The following NT5DC4 variants were observed in gnomAD, a reference collection of about 807,000 sequenced individuals.
NT5DC4 encodes the protein 5'-nucleotidase domain-containing protein 4.
A neutral mutation model predicts 26.6 loss-of-function variants in NT5DC4; 44 were observed. That is an observed-to-expected ratio of 1.65 (90% confidence interval 1.30 to 2.13). The LOEUF (loss-of-function observed/expected upper bound fraction) is 2.13, where lower values mean the gene tolerates loss of function less well. NT5DC4 is among the 30% of genes most tolerant of loss of function. NT5DC4 has a pLI of 0.00. For synonymous variants in NT5DC4, 157 were observed against 86.7 expected, an observed-to-expected ratio of 1.81 and a Z score of -4.51; for missense variants, 399 against 228.1, an observed-to-expected ratio of 1.75 and a Z score of -4.83.
At chr2:112,726,128 C>T (rs1677678555) in intron 13 of NT5DC4, 110 bp from the exon 14 acceptor site, 2 of 691,860 alleles carry the variant, frequency 2.9e-6, no homozygotes, top group Non-Finnish European at 5.4e-6. Context: ...GTTATGCACA[C>T]AGCTCAGGGT....
In NT5DC4 at chr2:112,725,160, C is replaced by G; in HGVS notation, c.916-14C>G. 2 of 713,858 alleles carry G rather than the reference C, an allele frequency of 2.8e-6. No homozygotes were observed. The highest frequency in any genetic ancestry group is 5.2e-6 in the Non-Finnish European group (2 of 382,442). 44.2% of individuals were successfully genotyped at this position (713,858 alleles called of 1,614,324 possible). A position where few individuals can be genotyped will look rare whatever the true frequency, so the allele number is the denominator to read the frequency against. ...TGGTTCTCCTGGCTCCAGGGCACCC[C>G]TCTGCCCCTCCAGGACTCAGGAAAG... is the stretch of plus-strand genomic sequence containing the variant. On this transcript the variant is annotated splice_polypyrimidine_tract_variant and intron_variant, in intron 11 of 16. Coordinates refer to ENST00000688554, the MANE Select transcript of NT5DC4 (RefSeq NM_001393655.1).
chr2:112,739,107 AT>A (rs1431905975), downstream of NT5DC4: 16 of 1,318,222 alleles, frequency 1.2e-5, no homozygotes, highest in South Asian at 1.2e-4. Flanking sequence ...TATCTTTATT[AT>A]TTTTTGTTTC....
At position 112,724,068 on chromosome 2, in the gene NT5DC4, C is replaced by A. The variant is rs186234706; in HGVS notation, c.757-26C>A. The A allele has an allele frequency of 1.1e-3, 768 of 716,958 alleles. 2 individuals carry two copies. In the African/African-American group the frequency reaches 0.011, roughly 10 times the overall value. 44.4% of individuals were successfully genotyped at this position (716,958 alleles called of 1,614,324 possible). ...GGCAGGTGGTGGCCCAAGCTTGGTG[C>A]CCTGACGCTGCCTTGTCCTTGCCAG... On this transcript the variant is annotated intron_variant, in intron 9 of 16. Transcript: ENST00000688554.
chr2:112,741,180 A>G (rs1228229180), downstream of NT5DC4, among the ~76,000 whole-genome samples: 2 of 152,120 alleles, frequency 1.3e-5, no homozygotes, highest in African/African-American at 4.8e-5. Context: ...TTTTCACGTT[A>G]AGCTCTGTAG....
chr2:112,720,775 C>T (rs72950342), upstream of NT5DC4, among the ~76,000 whole-genome samples: 11,211 of 152,222 alleles, frequency 0.074, 978 homozygotes, highest in African/African-American at 0.2. Flanking sequence ...CTGGGTTCTC[C>T]GCTACTCTCC....
downstream of NT5DC4, among the ~76,000 whole-genome samples, chr2:112,739,347 G>GT (rs1679683375): frequency 6.6e-6 from 1 of 152,140 alleles, no homozygotes; most frequent in Non-Finnish European, 1.5e-5. Context: ...CTTGAGCCCA[G>GT]AAGGTCAAGG....
At chr2:112,719,009 T>A (rs1392268619), upstream of NT5DC4, among the ~76,000 whole-genome samples, 3 of 152,212 alleles carry the variant, frequency 2.0e-5, 1 homozygote, top group Admixed American at 1.3e-4. Context: ...ACCATCTTAA[T>A]ACAGTCATGC....
chr2:112,722,282 A>AGGTGCC lies in NT5DC4; in HGVS notation c.362+6_362+7insTGCCGG. ...ATGGCTTCACCTTCCTCTCGGAGTA[A>AGGTGCC]GGGACAAAGGTGCCGGGAGAGTGGC... On this transcript the variant is annotated splice_donor_region_variant and intron_variant, in intron 4 of 16. Coordinates refer to ENST00000688554, the MANE Select transcript of NT5DC4 (RefSeq NM_001393655.1). 1.4e-6 allele frequency: 1 copy of AGGTGCC among 717,050 alleles called. No individual in the cohort carries two copies. Among genetic ancestry groups the AGGTGCC allele is most frequent in the Non-Finnish European group, 2.6e-6 (1 of 385,078 alleles). 44.4% of individuals were successfully genotyped at this position (717,050 alleles called of 1,614,324 possible). A position where few individuals can be genotyped will look rare whatever the true frequency, so the allele number is the denominator to read the frequency against.
intron 16 of NT5DC4, among the ~76,000 whole-genome samples, chr2:112,732,814 C>T (rs1246203174): frequency 6.6e-6 from 1 of 152,164 alleles, no homozygotes; most frequent in African/African-American, 2.4e-5. Flanking sequence ...TCCCTGTTAC[C>T]TCCGCTCTCC....
At chr2:112,741,607 T>C (rs1679970915), downstream of NT5DC4, among the ~76,000 whole-genome samples, 2 of 152,230 alleles carry the variant, frequency 1.3e-5, no homozygotes. Flanking sequence ...GATTCCTGTC[T>C]TCTCTTTTTA....
upstream of NT5DC4, among the ~76,000 whole-genome samples, chr2:112,719,938 CTTTCTTTCTTTCTTTCTTTCTTTCT>C (rs1301332230): frequency 0.016 from 1,336 of 83,652 alleles, 20 homozygotes; most frequent in Non-Finnish European, 0.024. Context: ...TTCTTTCTTT[CTTTCTTTCTTTCTTTCTTTCTTTCT>C]TTCTTTCTTT....
At chr2:112,726,534 A>C in intron 14 of NT5DC4, 144 bp from the exon 15 acceptor site, 1 of 678,524 alleles carries the variant, frequency 1.5e-6, no homozygotes, top group Non-Finnish European at 2.7e-6. Context: ...CTGCCCTCGC[A>C]CGCATGCACA....
intron 15 of NT5DC4, among the ~76,000 whole-genome samples, chr2:112,729,303 A>G (rs112903399): frequency 0.047 from 7,149 of 152,150 alleles, 322 homozygotes; most frequent in Non-Finnish European, 0.067. Context: ...TTATGTTTTT[A>G]TAGAGACAGG....
At chr2:112,723,334 G>A (rs1275287714) in intron 7 of NT5DC4, 84 bp from the exon 8 acceptor site, 2 of 685,710 alleles carry the variant, frequency 2.9e-6, no homozygotes, top group Non-Finnish European at 5.4e-6. Flanking sequence ...TCTCATCTTG[G>A]ACACAGACAT....
intron 16 of NT5DC4, among the ~76,000 whole-genome samples, chr2:112,730,400 C>A (rs541732460): frequency 6.6e-6 from 1 of 151,916 alleles, no homozygotes; most frequent in Non-Finnish European, 1.5e-5. Flanking sequence ...GGGCCCTGCA[C>A]CCCTACGGAC....
chr2:112,738,000 AATAG>A (rs1222542215), intron 16 of NT5DC4: 1 of 152,212 alleles, frequency 6.6e-6, no homozygotes, highest in Admixed American at 6.5e-5. Context: ...CCTTTCCACA[AATAG>A]TTGCCCAGGA....
upstream of NT5DC4, among the ~76,000 whole-genome samples, chr2:112,719,462 C>T (rs889363129): frequency 1.3e-5 from 2 of 149,510 alleles, no homozygotes; most frequent in African/African-American, 4.9e-5. Context: ...GTGCTGAAAC[C>T]GACTGTAAAC....
chr2:112,735,122 C>T (rs1319031059), intron 16 of NT5DC4, among the ~76,000 whole-genome samples: 1 of 147,646 alleles, frequency 6.8e-6, no homozygotes, highest in African/African-American at 2.5e-5. Context: ...TGGCTCACTG[C>T]AACCTCTGCC....
chr2:112,724,371 G>A (rs1490665203), intron 10 of NT5DC4: 10 of 591,636 alleles, frequency 1.7e-5, no homozygotes, highest in South Asian at 4.0e-5. Flanking sequence ...GGGGACGGGC[G>A]GCAGAAAGTG....
Sources: gnomAD v4.1 joint callset for allele counts (sites outside exome capture counted in the v4.1 genomes callset) on GRCh38, gnomAD v4.1.1 for gene constraint, MANE v1.5 for transcripts, NCBI Gene and HGNC (gene_info 2026-07-23, HGNC 2026-07-21) for gene names.